The following FNDC3B variants were observed in gnomAD, a reference collection of about 807,000 sequenced individuals.
The protein encoded by FNDC3B is fibronectin type III domain containing 3B.
FNDC3B carries 12 observed loss-of-function variants against 151.5 expected under a neutral mutation model. The observed-to-expected ratio is 0.08, with a 90% CI of 0.05 to 0.13. The LOEUF (loss-of-function observed/expected upper bound fraction) is 0.13, where lower values mean the gene tolerates loss of function less well. Ranked by LOEUF, FNDC3B falls within the 10% of genes least tolerant of loss-of-function variation. The probability of loss-of-function intolerance (pLI) is 1.00; values close to 1 mark genes in which losing one functional copy is unlikely to be tolerated. For missense variants in FNDC3B, 1,214 were observed against 1,505.3 expected, an observed-to-expected ratio of 0.81 and a Z score of 3.20; for synonymous variants, 528 against 549.0, an observed-to-expected ratio of 0.96 and a Z score of 0.54.
intron 13 of FNDC3B, among the ~76,000 whole-genome samples, chr3:172,332,348 G>C (rs1732725295): frequency 6.6e-6 from 1 of 152,224 alleles, no homozygotes; most frequent in Admixed American, 6.5e-5. Flanking sequence ...AGCAGCTGTA[G>C]AAAGCCCTCA....
At chr3:172,298,890 T>C in intron 9 of FNDC3B, 103 bp downstream of exon 9, 1 of 761,406 alleles carries the variant, frequency 1.3e-6, no homozygotes, top group Non-Finnish European at 2.1e-6. Context: ...CTTACCTTGC[T>C]GAAAGTTGTA....
chr3:172,202,806 C>T (rs1725224874), intron 3 of FNDC3B, among the ~76,000 whole-genome samples: 1 of 152,182 alleles, frequency 6.6e-6, no homozygotes, highest in African/African-American at 2.4e-5. Context: ...TAATTTTGCT[C>T]CACATTCATG....
intron 2 of FNDC3B, among the ~76,000 whole-genome samples, chr3:172,128,755 T>A (rs547694168): frequency 6.6e-6 from 1 of 152,180 alleles, no homozygotes. Flanking sequence ...AAGATACCTG[T>A]TGGATAATCA....
At chr3:172,322,311 C>A (rs1034914822) in intron 11 of FNDC3B, among the ~76,000 whole-genome samples, 1 of 152,200 alleles carries the variant, frequency 6.6e-6, no homozygotes, top group Non-Finnish European at 1.5e-5. Flanking sequence ...TCCCACACAG[C>A]GTGGCAGCTT....
chr3:172,270,244 G>A (rs1316351578), intron 6 of FNDC3B, among the ~76,000 whole-genome samples: 2 of 152,188 alleles, frequency 1.3e-5, no homozygotes, highest in East Asian at 1.9e-4. Flanking sequence ...CTCTTTGCTG[G>A]TCTCACTGCT....
chr3:172,309,360 C>A (rs1469056529), intron 10 of FNDC3B, among the ~76,000 whole-genome samples: 1 of 152,154 alleles, frequency 6.6e-6, no homozygotes, highest in Non-Finnish European at 1.5e-5. Context: ...AAACAAAAAC[C>A]TAAGTCAGTG....
intron 25 of FNDC3B, among the ~76,000 whole-genome samples, chr3:172,384,214 A>G (rs181673637): frequency 1.1e-4 from 16 of 152,380 alleles, no homozygotes; most frequent in African/African-American, 3.6e-4. Context: ...TTTAAACAAA[A>G]AACTTTATCC....
intron 12 of FNDC3B, chr3:172,329,710 G>A (rs533946231): frequency 1.3e-5 from 2 of 152,246 alleles, no homozygotes; most frequent in African/African-American, 4.8e-5. Flanking sequence ...TCTTCTTAAA[G>A]GTTTTGCACA....
intron 6 of FNDC3B, among the ~76,000 whole-genome samples, chr3:172,285,489 A>G (rs1185812173): frequency 2.0e-5 from 3 of 152,234 alleles, no homozygotes; most frequent in Non-Finnish European, 2.9e-5. Flanking sequence ...AAGTAAAAAC[A>G]AGTAAATAAA....
intron 3 of FNDC3B, among the ~76,000 whole-genome samples, chr3:172,157,765 AGTGT>A (rs1399606200): frequency 6.6e-6 from 1 of 152,236 alleles, no homozygotes; most frequent in Non-Finnish European, 1.5e-5. Flanking sequence ...TACATGAATC[AGTGT>A]AACCTGTTGA....
intron 1 of FNDC3B, among the ~76,000 whole-genome samples, chr3:172,050,733 G>GTGTGTGTGTGTGTGTGTGTA (rs397991660): frequency 2.2e-5 from 3 of 137,818 alleles, no homozygotes; most frequent in Admixed American, 7.5e-5. Flanking sequence ...GTGTGTGTGT[G>GTGTGTGTGTGTGTGTGTGTA]TATAGTGTGT....
chr3:172,133,828 A>G (rs898071045), intron 3 of FNDC3B, among the ~76,000 whole-genome samples: 8 of 152,172 alleles, frequency 5.3e-5, no homozygotes, highest in Admixed American at 2.0e-4. Flanking sequence ...TTATTAACTC[A>G]CAGGGGGCTA....
At chr3:172,317,866 T>A (rs1731888479) in intron 11 of FNDC3B, among the ~76,000 whole-genome samples, 2 of 152,244 alleles carry the variant, frequency 1.3e-5, no homozygotes, top group African/African-American at 4.8e-5. Flanking sequence ...TATCGATGGA[T>A]GTTAACTTGC....
At chr3:172,371,345 CCCATTATTTTCT>C (rs1734873583) in intron 23 of FNDC3B, among the ~76,000 whole-genome samples, 1 of 151,744 alleles carries the variant, frequency 6.6e-6, no homozygotes, top group Non-Finnish European at 1.5e-5. Flanking sequence ...CTTTTTTTCC[CCCATTATTTTCT>C]ATCTGCAGTT....
At chr3:172,369,140 A>T (rs2108353315) in intron 23 of FNDC3B, among the ~76,000 whole-genome samples, 1 of 152,372 alleles carries the variant, frequency 6.6e-6, no homozygotes, top group East Asian at 1.9e-4. Context: ...TGGCAAATGA[A>T]CTATTTGAGA....
chr3:172,066,739 A>T (rs1162648265), intron 1 of FNDC3B, among the ~76,000 whole-genome samples: 1 of 152,258 alleles, frequency 6.6e-6, no homozygotes, highest in East Asian at 1.9e-4. Flanking sequence ...AATGCTACAC[A>T]TGGAGAAGTG....
chr3:172,299,310 A>G (rs1730785456), intron 9 of FNDC3B, among the ~76,000 whole-genome samples: 1 of 152,214 alleles, frequency 6.6e-6, no homozygotes, highest in Non-Finnish European at 1.5e-5. Context: ...GTGGCATAGT[A>G]TGTAGCCTGA....
chr3:172,145,611 C>T (rs921129904), intron 3 of FNDC3B, among the ~76,000 whole-genome samples: 1 of 152,166 alleles, frequency 6.6e-6, no homozygotes, highest in Admixed American at 6.5e-5. Context: ...GTGAATAAAG[C>T]AAGTATAAAT....
At chr3:172,394,106 TAAA>T (rs60559371) in intron 25 of FNDC3B, among the ~76,000 whole-genome samples, 200 of 16,626 alleles carry the variant, frequency 0.012, 1 homozygote, top group East Asian at 0.064. Flanking sequence ...AGACTCCTTC[TAAA>T]AAAAAAAAAA....
Sources: allele counts gnomAD v4.1 joint callset (sites outside exome capture counted in the v4.1 genomes callset), GRCh38; gene constraint gnomAD v4.1.1; transcripts MANE v1.5; gene names NCBI Gene and HGNC (gene_info 2026-07-23, HGNC 2026-07-21).